SNW1: variants seen among roughly 807,000 people sequenced by gnomAD.
The protein encoded by SNW1 is SNW domain-containing protein 1.
A neutral mutation model predicts 75.6 loss-of-function variants in SNW1; 9 were observed. The ratio of observed to expected loss-of-function variants is 0.12; its 90% CI spans 0.07 to 0.21. SNW1 has a LOEUF of 0.21. Ranked by LOEUF, SNW1 falls within the 10% of genes least tolerant of loss-of-function variation. The pLI is 1.00. For synonymous variants in SNW1, 200 were observed against 219.1 expected (o/e 0.91, Z 0.77); for missense variants, 409 against 670.9 (o/e 0.61, Z 4.31).
Position 77,718,353 on chromosome 14 carries a change from G to C in SNW1, c.1412+14C>G. ...CCAGTGTAAACACTGAAATTGAGTT[G>C]TATGGCTTGGCACCTGTTGGTCTTT... On this transcript the variant is annotated intron_variant, in intron 13 of 13. Transcript: ENST00000261531. 1.9e-6 allele frequency: 3 copies of C among 1,614,194 alleles called. No homozygotes were observed. Among genetic ancestry groups the C allele is most frequent in the Non-Finnish European group, 2.5e-6 (3 of 1,180,038 alleles).
chr14:77,747,846 T>C (rs2080776051), intron 3 of SNW1, among the ~76,000 whole-genome samples: 1 of 149,990 alleles, frequency 6.7e-6, no homozygotes, highest in Non-Finnish European at 1.5e-5. Context: ...GGGGCGCCTC[T>C]GCCCGGCCGC....
At chr14:77,743,401 G>A (rs1436143093) in intron 3 of SNW1, among the ~76,000 whole-genome samples, 4 of 152,114 alleles carry the variant, frequency 2.6e-5, no homozygotes, top group Non-Finnish European at 4.4e-5. Flanking sequence ...AGAATATTAC[G>A]TCTTAGAATC....
intron 3 of SNW1, among the ~76,000 whole-genome samples, chr14:77,748,204 G>C (rs1436549625): frequency 6.6e-6 from 1 of 152,160 alleles, no homozygotes; most frequent in Non-Finnish European, 1.5e-5. Context: ...ACAGATGCTT[G>C]AAGGCAGCAT....
intron 6 of SNW1, among the ~76,000 whole-genome samples, chr14:77,736,573 CA>C (rs1161223998): frequency 2.0e-5 from 3 of 151,388 alleles, no homozygotes; most frequent in Non-Finnish European, 4.4e-5. Flanking sequence ...AAAACAAAAA[CA>C]AAAACAAAAA....
intron 3 of SNW1, among the ~76,000 whole-genome samples, chr14:77,747,014 C>T (rs2080765495): frequency 6.6e-6 from 1 of 152,048 alleles, no homozygotes; most frequent in Admixed American, 6.6e-5. Flanking sequence ...TGCAACCTCC[C>T]TGCCTGATTC....
Position 77,734,837 on chromosome 14 carries a change from G to A in SNW1, c.774+110C>T, listed in dbSNP as rs750194536. ...AAATTGGGCATTCCTTTTTGAAAATGCTCAGTTAAACCACGTGTTGTTTCA... is the reference window on the plus strand; with the variant it reads ...AAATTGGGCATTCCTTTTTGAAAATACTCAGTTAAACCACGTGTTGTTTCA... On this transcript the variant is annotated intron_variant, in intron 8 of 13. Transcript: ENST00000261531. The A allele has an allele frequency of 1.6e-5, 11 of 698,624 alleles. No individual in the cohort carries two copies. In the African/African-American group the frequency reaches 2.0e-4, roughly 13 times the overall value. 43.3% of individuals were successfully genotyped at this position (698,624 alleles called of 1,614,324 possible). A position where few individuals can be genotyped will look rare whatever the true frequency, so the allele number is the denominator to read the frequency against.
At chr14:77,728,920 T>A (rs2080607299) in intron 10 of SNW1, among the ~76,000 whole-genome samples, 1 of 152,228 alleles carries the variant, frequency 6.6e-6, no homozygotes, top group Non-Finnish European at 1.5e-5. Flanking sequence ...CATTAAAATT[T>A]TTAATTTCTT....
At chr14:77,748,179 G>C (rs868320433) in intron 3 of SNW1, among the ~76,000 whole-genome samples, 6 of 152,318 alleles carry the variant, frequency 3.9e-5, no homozygotes, top group South Asian at 4.1e-4. Flanking sequence ...GGCGGTGCAA[G>C]ATGTGCTTTG....
rs909474814 is a variant in SNW1 at position 77,719,412 on chromosome 14, AG to A, written c.1249-883del. Among the ~76,000 whole-genome samples the A allele has an allele frequency of 7.2e-5, 11 of 152,194 alleles. No individual in the cohort carries two copies. In the East Asian group the frequency reaches 2.1e-3, roughly 30 times the overall value. Reference sequence around the variant, plus strand: ...CAGCACTTTGGGAGGCCAAGGCAGGAGGATCACGAGGTCAGGAGTTCAAGAC... The same window carrying A: ...CAGCACTTTGGGAGGCCAAGGCAGGAGATCACGAGGTCAGGAGTTCAAGAC... On this transcript the variant is annotated intron_variant, in intron 12 of 13. Coordinates refer to ENST00000261531, the MANE Select transcript of SNW1 (RefSeq NM_012245.3).
intron 10 of SNW1, among the ~76,000 whole-genome samples, chr14:77,727,763 TA>T (rs757621482): frequency 2.6e-5 from 4 of 152,220 alleles, no homozygotes; most frequent in Non-Finnish European, 5.9e-5. Context: ...TGATGAATGA[TA>T]TTTTTTAATG....
At chr14:77,732,938 G>C (rs1262392165) in intron 8 of SNW1, among the ~76,000 whole-genome samples, 3 of 152,226 alleles carry the variant, frequency 2.0e-5, no homozygotes, top group Non-Finnish European at 4.4e-5. Flanking sequence ...TGGGATTACA[G>C]GCATGAGCCA....
chr14:77,719,535 G>A (rs2080520725), intron 12 of SNW1, among the ~76,000 whole-genome samples: 1 of 152,164 alleles, frequency 6.6e-6, no homozygotes, highest in African/African-American at 2.4e-5. Flanking sequence ...CAGCTACTCA[G>A]GAGGCTGAGG....
chr14:77,736,087 T>G, intron 6 of SNW1, 81 bp from the exon 7 acceptor site: 4 of 995,014 alleles, frequency 4.0e-6, no homozygotes, highest in Non-Finnish European at 6.1e-6. Flanking sequence ...TCCTTTTTCT[T>G]GCATAAAAGT....
chr14:77,728,331 A>T lies in SNW1; in HGVS notation c.1033+2657T>A, dbSNP rs546145560. On this transcript the variant is annotated intron_variant, in intron 10 of 13. Transcript: ENST00000261531. ...CTGGGCATGGTGATGGGCACCTTTA[A>T]TCCCAGCTACTTGGAAGGCTTAGGC... Among the ~76,000 whole-genome samples the T allele has an allele frequency of 5.4e-4, 82 of 152,220 alleles. 1 individual carries two copies. Among genetic ancestry groups the T allele is most frequent in the African/African-American group, 1.9e-3 (78 of 41,544 alleles).
intron 11 of SNW1, chr14:77,721,117 G>T (rs1458129845): frequency 6.6e-6 from 2 of 302,216 alleles, no homozygotes; most frequent in African/African-American, 2.2e-5. Flanking sequence ...ACCATGCTGA[G>T]ATATAAAATT....
At position 77,736,039 on chromosome 14, in the gene SNW1, T is replaced by C. The variant is rs755331678; in HGVS notation, c.639-33A>G. The C allele has an allele frequency of 1.9e-5, 29 of 1,507,806 alleles. 1 individual carries two copies. Among genetic ancestry groups the C allele is most frequent in the Non-Finnish European group, 1.5e-5 (16 of 1,088,118 alleles). 93.4% of individuals were successfully genotyped at this position (1,507,806 alleles called of 1,614,324 possible). On this transcript the variant is annotated intron_variant, in intron 6 of 13. Transcript: ENST00000261531. ...ATAAAAACACAACCAGAGAGTGATA[T>C]AGTTTCCTCCCTTTTAGTCATCATA... is the stretch of plus-strand genomic sequence containing the variant.
intron 6 of SNW1, among the ~76,000 whole-genome samples, 190 bp from the exon 7 acceptor site, chr14:77,736,196 C>T (rs1276704606): frequency 6.6e-6 from 1 of 152,180 alleles, no homozygotes; most frequent in Non-Finnish European, 1.5e-5. Flanking sequence ...CTGTTACTCA[C>T]CCCACCTCCA....
chr14:77,746,231 A>ACAC (rs778313678), intron 3 of SNW1, among the ~76,000 whole-genome samples: 1 of 152,246 alleles, frequency 6.6e-6, no homozygotes, highest in Non-Finnish European at 1.5e-5. Flanking sequence ...TTAATTGTGC[A>ACAC]CACTTGCGTG....
At chr14:77,731,845 T>G (rs2080629760) in intron 9 of SNW1, among the ~76,000 whole-genome samples, 1 of 152,166 alleles carries the variant, frequency 6.6e-6, no homozygotes, top group Non-Finnish European at 1.5e-5. Context: ...TTCGAGAGAT[T>G]CTCCTGCCTC....
Sources: allele counts gnomAD v4.1 joint callset (sites outside exome capture counted in the v4.1 genomes callset), GRCh38; gene constraint gnomAD v4.1.1; transcripts MANE v1.5; gene names NCBI Gene and HGNC (gene_info 2026-07-23, HGNC 2026-07-21).